The following LGI1 variants were observed in gnomAD, a reference collection of about 807,000 sequenced individuals.
LGI1 encodes leucine-rich glioma-inactivated protein 1.
In LGI1, 11 loss-of-function variants were observed where a neutral mutation model predicts 57.7. The ratio of observed to expected loss-of-function variants is 0.19; its 90% CI spans 0.12 to 0.32. The LOEUF (loss-of-function observed/expected upper bound fraction) is 0.32, where lower values mean the gene tolerates loss of function less well. Among genes scored for constraint, LGI1 ranks in the 10% least tolerant of loss-of-function variants. LGI1 has a pLI of 1.00. For synonymous variants in LGI1, 222 were observed against 241.9 expected, an observed-to-expected ratio of 0.92 and a Z score of 0.76; for missense variants, 422 against 661.9, an observed-to-expected ratio of 0.64 and a Z score of 3.98.
At chr10:93,766,497 GC>G (rs1378965516) in intron 2 of LGI1, among the ~76,000 whole-genome samples, 4 of 133,724 alleles carry the variant, frequency 3.0e-5, no homozygotes, top group Non-Finnish European at 4.8e-5. Context: ...TTGGTGCTAA[GC>G]ATTTTATAGA....
chr10:93,790,293 A>G lies in LGI1; in HGVS notation c.503+123A>G. ...ATTAAAATTAGGATTTTTAAATCTA[A>G]ATTTTAACTGGCCAAAAATTTAAAT... On this transcript the variant is annotated intron_variant, in intron 5 of 7. Coordinates refer to ENST00000371418, the MANE Select transcript of LGI1 (RefSeq NM_005097.4). 3.2e-6 allele frequency: 3 copies of G among 932,406 alleles called. No individual in the cohort carries two copies. The Admixed American group carries it at 8.5e-5, about 26-fold the overall frequency. 57.8% of individuals were successfully genotyped at this position (932,406 alleles called of 1,614,324 possible).
At chr10:93,788,503 A>C (rs2059908643) in intron 4 of LGI1, 1 of 152,224 alleles carries the variant, frequency 6.6e-6, no homozygotes, top group South Asian at 2.1e-4. Flanking sequence ...TAAAAATGAA[A>C]CAACTGAATT....
chr10:93,759,459 A>G (rs895520217), intron 2 of LGI1, among the ~76,000 whole-genome samples: 13 of 152,258 alleles, frequency 8.5e-5, no homozygotes, highest in African/African-American at 2.7e-4. Flanking sequence ...TACTCAGTCT[A>G]TGCCTGAAAA....
intron 2 of LGI1, chr10:93,772,694 A>G (rs1233285763): frequency 6.6e-6 from 1 of 152,174 alleles, no homozygotes; most frequent in Non-Finnish European, 1.5e-5. Context: ...TAGTATGATT[A>G]TGGTGCACTT....
At position 93,777,205 on chromosome 10, in the gene LGI1, T is replaced by C. The variant is rs993719676; in HGVS notation, c.288-174T>C. 11 of 667,832 alleles carry C rather than the reference T, an allele frequency of 1.6e-5. No homozygotes were observed. The Admixed American group carries it at 1.8e-4, about 11-fold the overall frequency. The allele number at this position is 667,832 out of a possible 1,614,324, so 41.4% of individuals were successfully genotyped here. ...CCTTGATGAGCCTTTGATGAGGAGA[T>C]GATTAGGAGTAAAAAAATGCTGCAT... On this transcript the variant is annotated intron_variant, in intron 2 of 7. Transcript: ENST00000371418.
At position 93,790,094 on chromosome 10, in the gene LGI1, T is replaced by TTA. The variant is rs1554906719; in HGVS notation, c.432-5_432-4insTA. ...TTTACATCACCTTTTTTTTTTTTTTTCCAGGAGCCTTGCAAACAACAATCT... is the reference window on the plus strand; with the variant it reads ...TTTACATCACCTTTTTTTTTTTTTTTTACCAGGAGCCTTGCAAACAACAATCT... On this transcript the variant is annotated splice_region_variant and splice_polypyrimidine_tract_variant and intron_variant, in intron 4 of 7. Coordinates refer to ENST00000371418, the MANE Select transcript of LGI1 (RefSeq NM_005097.4). 3.7e-6 allele frequency: 6 copies of TTA among 1,602,480 alleles called. No individual in the cohort carries two copies. The African/African-American group carries it at 5.4e-5, about 14-fold the overall frequency.
chr10:93,774,744 G>A (rs2059774976), intron 2 of LGI1, among the ~76,000 whole-genome samples: 2 of 152,084 alleles, frequency 1.3e-5, no homozygotes, highest in African/African-American at 4.8e-5. Flanking sequence ...TAGGTGGGGT[G>A]GGTTGGGCAC....
Position 93,793,167 on chromosome 10 carries a change from T to G in LGI1, c.674-19T>G. 1 of 1,594,008 alleles carries G rather than the reference T, an allele frequency of 6.3e-7. No individual in the cohort carries two copies. The highest frequency in any genetic ancestry group is 8.6e-7 in the Non-Finnish European group (1 of 1,166,078). On this transcript the variant is annotated intron_variant, in intron 6 of 7. Transcript: ENST00000371418. ...AGAGGTATTAGCTCACAGTTACTTA[T>G]TATTTCCTATTTTTGCAGAATTTGC...
chr10:93,778,211 G>A (rs909386965), intron 4 of LGI1, among the ~76,000 whole-genome samples: 1 of 152,146 alleles, frequency 6.6e-6, no homozygotes, highest in African/African-American at 2.4e-5. Context: ...TTCTTCTACT[G>A]CTTAGGACAG....
chr10:93,760,671 T>C (rs1160856346), intron 2 of LGI1, among the ~76,000 whole-genome samples: 1 of 152,212 alleles, frequency 6.6e-6, no homozygotes, highest in Admixed American at 6.5e-5. Flanking sequence ...TGCTGGACAA[T>C]GTTATAGAAA....
intron 7 of LGI1, among the ~76,000 whole-genome samples, chr10:93,796,380 A>G (rs1040853266): frequency 1.3e-5 from 2 of 152,182 alleles, no homozygotes; most frequent in Admixed American, 1.3e-4. Context: ...CTAAGATCTT[A>G]GATAAACCAA....
At chr10:93,767,661 T>A (rs1331275901) in intron 2 of LGI1, 1 of 152,178 alleles carries the variant, frequency 6.6e-6, no homozygotes. Flanking sequence ...TGTCTCCATA[T>A]AAGGAGCAAC....
intron 7 of LGI1, among the ~76,000 whole-genome samples, chr10:93,794,362 C>CTTTTTTTTTTTTT (rs71031540): frequency 9.9e-6 from 1 of 101,198 alleles, no homozygotes; most frequent in African/African-American, 3.9e-5. Flanking sequence ...CTGGATCTCT[C>CTTTTTTTTTTTTT]TTTTTTTTTT....
chr10:93,782,291 G>A (rs1435213880), intron 4 of LGI1, among the ~76,000 whole-genome samples: 2 of 152,164 alleles, frequency 1.3e-5, no homozygotes, highest in Non-Finnish European at 2.9e-5. Context: ...AGGCCATTTA[G>A]CTTCACTATG....
intron 2 of LGI1, chr10:93,759,105 A>G: frequency 2.1e-6 from 1 of 467,552 alleles, no homozygotes; most frequent in Non-Finnish European, 3.9e-6. Flanking sequence ...TCCCAATTCC[A>G]TTCCACTATT....
At position 93,797,843 on chromosome 10, in the gene LGI1, G is replaced by A. The variant is rs1589776321; in HGVS notation, c.*40G>A. On this transcript the variant is annotated 3_prime_UTR_variant, in exon 8 of 8. Coordinates refer to ENST00000371418, the MANE Select transcript of LGI1 (RefSeq NM_005097.4). The surrounding 1 kb of genome is among the most constrained non-coding windows in gnomAD (Gnocchi z 6.5). The stretch of plus-strand genomic sequence containing the variant: ...TGGCTGCCATCAGAAATTTTCTACA[G>A]TACATGACCCGGATGAACTCAATGC... The A allele has an allele frequency of 2.2e-6, 3 of 1,376,016 alleles. No homozygotes were observed. Among genetic ancestry groups the A allele is most frequent in the African/African-American group, 2.8e-5 (2 of 70,502 alleles). 85.2% of individuals were successfully genotyped at this position (1,376,016 alleles called of 1,614,324 possible). A position where few individuals can be genotyped will look rare whatever the true frequency, so the allele number is the denominator to read the frequency against.
chr10:93,777,860 T>C (rs1174074062), intron 4 of LGI1, among the ~76,000 whole-genome samples: 2 of 152,216 alleles, frequency 1.3e-5, no homozygotes, highest in African/African-American at 4.8e-5. Flanking sequence ...TGCAGGGAAA[T>C]TGTGTGCCTG....
chr10:93,783,637 C>A (rs1301761014), intron 4 of LGI1, among the ~76,000 whole-genome samples: 1 of 152,190 alleles, frequency 6.6e-6, no homozygotes, highest in Non-Finnish European at 1.5e-5. Context: ...CTCAAAGGAG[C>A]ATCCTCTGCT....
At position 93,791,939 on chromosome 10, in the gene LGI1, A is replaced by T. The variant is rs539077304; in HGVS notation, c.504-804A>T. The T allele has an allele frequency of 9.6e-4, 146 of 152,360 alleles. 1 individual carries two copies. Among genetic ancestry groups the T allele is most frequent in the African/African-American group, 3.3e-3 (139 of 41,582 alleles). 9.4% of individuals were successfully genotyped at this position (152,360 alleles called of 1,614,324 possible). ...AAGCAAATAGCTCACTTGATTAAATACATTACAATAATCACTACATTCTGT... is the reference window on the plus strand; with the variant it reads ...AAGCAAATAGCTCACTTGATTAAATTCATTACAATAATCACTACATTCTGT... On this transcript the variant is annotated intron_variant, in intron 5 of 7. Coordinates refer to ENST00000371418, the MANE Select transcript of LGI1 (RefSeq NM_005097.4).
Sources: allele counts gnomAD v4.1 joint callset (sites outside exome capture counted in the v4.1 genomes callset), GRCh38; gene constraint gnomAD v4.1.1; non-coding constraint Gnocchi (gnomAD v3.1); transcripts MANE v1.5; gene names NCBI Gene and HGNC (gene_info 2026-07-23, HGNC 2026-07-21).